FGD5: variants seen among roughly 807,000 people sequenced by gnomAD.
FGD5 encodes the protein FYVE, RhoGEF and PH domain containing 5.
A neutral mutation model predicts 133.4 loss-of-function variants in FGD5; 28 were observed. The observed-to-expected ratio is 0.21, with a 90% CI of 0.16 to 0.29. FGD5 has a LOEUF of 0.29. Ranked by LOEUF, FGD5 falls within the 10% of genes least tolerant of loss-of-function variation. The pLI, the probability that FGD5 is intolerant of heterozygous loss-of-function variation, is 1.00. For synonymous variants in FGD5, 810 were observed against 776.5 expected, an observed-to-expected ratio of 1.04 and a Z score of -0.72; for missense variants, 1,858 against 1,895.2, an observed-to-expected ratio of 0.98 and a Z score of 0.36.
chr3:14,922,942 T>C lies in FGD5; in HGVS notation c.3808-104T>C. On this transcript the variant is annotated intron_variant, in intron 15 of 19. Transcript: ENST00000285046. This position sits in a 1 kb window ranked among gnomAD's most constrained non-coding sequence, Gnocchi z 4.1. ...TCCATGATCAGAACCTGGGGCTCCC[T>C]AGGGGCAGTTGTGGGTGGATTAGCA... 2 of 1,523,040 alleles carry C rather than the reference T, an allele frequency of 1.3e-6. No homozygotes were observed. Among genetic ancestry groups the C allele is most frequent in the Non-Finnish European group, 9.0e-7 (1 of 1,111,760 alleles). 94.3% of individuals were successfully genotyped at this position (1,523,040 alleles called of 1,614,324 possible). A position where few individuals can be genotyped will look rare whatever the true frequency, so the allele number is the denominator to read the frequency against.
At chr3:14,914,094 A>G (rs2038503213) in intron 11 of FGD5, among the ~76,000 whole-genome samples, 1 of 152,114 alleles carries the variant, frequency 6.6e-6, no homozygotes, top group African/African-American at 2.4e-5. Context: ...CAGCCCTTCC[A>G]CTGAGCAGTG....
At chr3:14,873,890 T>C (rs2037664396) in intron 2 of FGD5, among the ~76,000 whole-genome samples, 1 of 151,944 alleles carries the variant, frequency 6.6e-6, no homozygotes, top group Non-Finnish European at 1.5e-5. Flanking sequence ...CCAGACTAAT[T>C]TTTGTATTTT....
Position 14,853,550 on chromosome 3 carries a change from C to T in FGD5, c.2526-10578C>T, listed in dbSNP as rs572499001. Among the ~76,000 whole-genome samples the T allele has an allele frequency of 3.3e-4, 49 of 150,708 alleles. No homozygotes were observed. In the South Asian group the frequency reaches 0.01, roughly 32 times the overall value. Reference sequence around the variant, plus strand: ...GGGAGAAGTTACGTCTGCAATCTGGCCCCATTTGCATGAATCTCCACACCA... The same window carrying T: ...GGGAGAAGTTACGTCTGCAATCTGGTCCCATTTGCATGAATCTCCACACCA... On this transcript the variant is annotated intron_variant, in intron 1 of 19. Transcript: ENST00000285046.
intron 4 of FGD5, among the ~76,000 whole-genome samples, chr3:14,890,386 C>T (rs2038003924): frequency 6.6e-6 from 1 of 152,236 alleles, no homozygotes; most frequent in Admixed American, 6.5e-5. Context: ...GGCAGAAGTG[C>T]ATCTCTCCAT....
At position 14,917,341 on chromosome 3, in the gene FGD5, C is replaced by G; in HGVS notation, c.3489+9C>G. ...CTGTGGCCAACATGAAGGTAAATAT[C>G]TGGTGCCAGGTACCCCCGGGTTGGG... is the stretch of plus-strand genomic sequence containing the variant. On this transcript the variant is annotated intron_variant, in intron 12 of 19. Transcript: ENST00000285046. The surrounding 1 kb of genome is among the most constrained non-coding windows in gnomAD (Gnocchi z 4.1). The G allele has an allele frequency of 2.5e-6, 4 of 1,610,980 alleles. No homozygotes were observed. The highest frequency in any genetic ancestry group is 3.4e-6 in the Non-Finnish European group (4 of 1,178,574).
At chr3:14,845,692 C>T (rs556487121) in intron 1 of FGD5, among the ~76,000 whole-genome samples, 16 of 152,252 alleles carry the variant, frequency 1.1e-4, no homozygotes, top group African/African-American at 3.9e-4. Flanking sequence ...GAAACAAGAT[C>T]CCCAGGGGTG....
At position 14,821,603 on chromosome 3, in the gene FGD5, G is replaced by A; in HGVS notation, c.2525+7G>A. ...CAGACCAGGACGCAGAAAGGTACCT[G>A]ACATTCTATTTCCTTTCTTGTTCGG... On this transcript the variant is annotated splice_region_variant and intron_variant, in intron 1 of 19. Coordinates refer to ENST00000285046, the MANE Select transcript of FGD5 (RefSeq NM_152536.4). 6.4e-7 allele frequency: 1 copy of A among 1,571,522 alleles called. No individual in the cohort carries two copies. The highest frequency in any genetic ancestry group is 8.6e-7 in the Non-Finnish European group (1 of 1,156,482).
At chr3:14,869,502 C>T (rs2037563779) in intron 2 of FGD5, among the ~76,000 whole-genome samples, 1 of 152,194 alleles carries the variant, frequency 6.6e-6, no homozygotes, top group South Asian at 2.1e-4. Flanking sequence ...GCATGAAGCA[C>T]ATTACATTGC....
At chr3:14,814,860 G>A (rs147327059), upstream of FGD5, among the ~76,000 whole-genome samples, 392 of 152,224 alleles carry the variant, frequency 2.6e-3, 2 homozygotes, top group African/African-American at 9.0e-3. Context: ...TTCTAGTTGC[G>A]CAGACTCAAA....
chr3:14,928,963 C>A (rs985275352), intron 18 of FGD5, among the ~76,000 whole-genome samples: 1 of 151,988 alleles, frequency 6.6e-6, no homozygotes, highest in Non-Finnish European at 1.5e-5. Context: ...ATGAAGTGCA[C>A]AAATCTCAAA....
rs569435092 is a variant in FGD5, at chr3:14,831,286, G to T, written c.2525+9690G>T. ...AGATGCCATTGGAGAGAAGTGTTAC[G>T]ATCCAAAGATACTTGAATTATCTAA... On this transcript the variant is annotated intron_variant, in intron 1 of 19. Coordinates refer to ENST00000285046, the MANE Select transcript of FGD5 (RefSeq NM_152536.4). Among the ~76,000 whole-genome samples the T allele has an allele frequency of 2.6e-5, 4 of 152,298 alleles. No homozygotes were observed. In the East Asian group the frequency reaches 7.7e-4, roughly 29 times the overall value.
chr3:14,884,667 G>A (rs1015049161), intron 4 of FGD5, among the ~76,000 whole-genome samples: 1 of 152,128 alleles, frequency 6.6e-6, no homozygotes, highest in Non-Finnish European at 1.5e-5. Flanking sequence ...GCACGGTGGT[G>A]GGAGTTGGTC....
chr3:14,919,918 C>T (rs1485067727), intron 13 of FGD5, among the ~76,000 whole-genome samples: 3 of 152,172 alleles, frequency 2.0e-5, no homozygotes, highest in African/African-American at 7.2e-5. Flanking sequence ...CCAACACCAG[C>T]ACCTTTGGGA....
intron 1 of FGD5, among the ~76,000 whole-genome samples, chr3:14,836,639 T>A (rs552754595): frequency 2.0e-5 from 3 of 152,210 alleles, no homozygotes; most frequent in African/African-American, 7.2e-5. Flanking sequence ...CCCCCTCATT[T>A]ACAGAGGAGA....
At chr3:14,887,425 C>T (rs982018110) in intron 4 of FGD5, among the ~76,000 whole-genome samples, 1 of 151,970 alleles carries the variant, frequency 6.6e-6, no homozygotes, top group African/African-American at 2.4e-5. Flanking sequence ...TGCCTGTAGT[C>T]TTAGCTACTT....
chr3:14,919,369 AG>A (rs2038626753), intron 13 of FGD5, among the ~76,000 whole-genome samples: 1 of 152,250 alleles, frequency 6.6e-6, no homozygotes, highest in Admixed American at 6.5e-5. Context: ...CTGTAATCCC[AG>A]CCCTTTGGGA....
intron 13 of FGD5, among the ~76,000 whole-genome samples, chr3:14,920,828 C>T (rs1371901275): frequency 6.6e-6 from 1 of 152,114 alleles, no homozygotes; most frequent in African/African-American, 2.4e-5. Flanking sequence ...ACTGTGTGGA[C>T]CAGAGCTCTT....
At chr3:14,812,008 GTGTGTGTGTGTGTGTGTGTGTGTATGTA>G (rs2125062423) in intron 1 of FGD5, among the ~76,000 whole-genome samples, 1 of 76,616 alleles carries the variant, frequency 1.3e-5, no homozygotes, top group East Asian at 5.6e-4. Flanking sequence ...GCTGGTGTGT[GTGTGTGTGTGTGTGTGTGTGTGTATGTA>G]TGTGTGTGTG....
rs2037628794 is a variant in FGD5 at position 14,872,387 on chromosome 3, A to G, written c.2658+8127A>G. On this transcript the variant is annotated intron_variant, in intron 2 of 19. Transcript: ENST00000285046. ...ATTTGGAGAAGAGACTTTATTTCTT[A>G]TAAGGGGTTACAGCCTGTAAGGTGG... Among the ~76,000 whole-genome samples, 3 of 152,344 alleles carry G rather than the reference A, an allele frequency of 2.0e-5. No individual in the cohort carries two copies. In the South Asian group the frequency reaches 6.2e-4, roughly 32 times the overall value.
Sources: allele counts gnomAD v4.1 joint callset (sites outside exome capture counted in the v4.1 genomes callset), GRCh38; gene constraint gnomAD v4.1.1; non-coding constraint Gnocchi (gnomAD v3.1); transcripts MANE v1.5; gene names NCBI Gene and HGNC (gene_info 2026-07-23, HGNC 2026-07-21).